MOV10L1: variants seen among roughly 807,000 people sequenced by gnomAD.
The protein encoded by MOV10L1 is Mov10 like RNA helicase 1.
MOV10L1 carries 110 observed loss-of-function variants against 143.8 expected under a neutral mutation model. That is an observed-to-expected ratio of 0.76 (90% CI 0.66 to 0.90). The LOEUF (loss-of-function observed/expected upper bound fraction) is 0.90, where lower values mean the gene tolerates loss of function less well. Among genes scored for constraint, MOV10L1 ranks in the 40% least tolerant of loss-of-function variants. MOV10L1 has a pLI of 0.00. For missense variants in MOV10L1, 1,406 were observed against 1,526.8 expected, an observed-to-expected ratio of 0.92 and a Z score of 1.32; for synonymous variants, 593 against 581.1, an observed-to-expected ratio of 1.02 and a Z score of -0.29.
chr22:50,113,520 G>A, intron 5 of MOV10L1, 128 bp from the exon 6 acceptor site: 2 of 1,281,380 alleles, frequency 1.6e-6, no homozygotes, highest in Non-Finnish European at 2.1e-6. Flanking sequence ...CTAAGTCTGT[G>A]GAAGCCCTGC....
chr22:50,090,600 G>C, intron 1 of MOV10L1: 1 of 1,504,642 alleles, frequency 6.6e-7, no homozygotes, highest in Non-Finnish European at 9.1e-7. Context: ...CCATTTCCTT[G>C]TCTGGTTTTC....
intron 18 of MOV10L1, 88 bp from the exon 19 acceptor site, chr22:50,145,599 ACT>A: frequency 6.6e-7 from 1 of 1,521,328 alleles, no homozygotes; most frequent in Non-Finnish European, 9.0e-7. Flanking sequence ...CTTAGACGTA[ACT>A]AAGAAGTGGT....
chr22:50,118,266 C>T (rs1487852888), intron 9 of MOV10L1, among the ~76,000 whole-genome samples: 1 of 151,834 alleles, frequency 6.6e-6, no homozygotes, highest in Non-Finnish European at 1.5e-5. Context: ...GCTGTGTGAC[C>T]TTGGGCAAGT....
At chr22:50,154,657 G>A (rs1250714137) in intron 22 of MOV10L1, among the ~76,000 whole-genome samples, 1 of 152,194 alleles carries the variant, frequency 6.6e-6, no homozygotes, top group Non-Finnish European at 1.5e-5. Flanking sequence ...CACCTGGTAG[G>A]CCATGGCGGA....
intron 12 of MOV10L1, among the ~76,000 whole-genome samples, chr22:50,126,985 G>A (rs1384936950): frequency 6.6e-6 from 1 of 152,134 alleles, no homozygotes; most frequent in Non-Finnish European, 1.5e-5. Flanking sequence ...TTCACAGAGT[G>A]GGATATTTCC....
intron 9 of MOV10L1, among the ~76,000 whole-genome samples, chr22:50,118,305 T>C (rs2062238781): frequency 6.6e-6 from 1 of 151,986 alleles, no homozygotes; most frequent in Non-Finnish European, 1.5e-5. Context: ...CTTGTTCTCA[T>C]TGGTAAAATG....
chr22:50,159,813 G>T lies in MOV10L1; in HGVS notation c.3324+28G>T. On this transcript the variant is annotated intron_variant, in intron 24 of 26. Transcript: ENST00000262794. The surrounding 1 kb of genome is among the most constrained non-coding windows in gnomAD (Gnocchi z 4.1). ...AGGTATCCCTGTTCTCCGTGGGGAT[G>T]GACAGTCAGGTGCTTGCTGCCCTGG... 6.8e-7 allele frequency: 1 copy of T among 1,470,012 alleles called. No individual in the cohort carries two copies. The highest frequency in any genetic ancestry group is 1.2e-5 in the South Asian group (1 of 86,924). 91.1% of individuals were successfully genotyped at this position (1,470,012 alleles called of 1,614,324 possible).
chr22:50,099,700 C>T (rs996471775), intron 3 of MOV10L1, 98 bp downstream of exon 3: 72 of 1,394,420 alleles, frequency 5.2e-5, no homozygotes, highest in Non-Finnish European at 6.3e-5. Context: ...ATAATCCCAG[C>T]ACTTTGTCAG....
At chr22:50,105,635 T>C (rs928173579) in intron 3 of MOV10L1, among the ~76,000 whole-genome samples, 6 of 152,214 alleles carry the variant, frequency 3.9e-5, no homozygotes, top group African/African-American at 1.4e-4. Flanking sequence ...GATTTTCTGC[T>C]GACTTGAAAA....
chr22:50,109,363 A>G (rs571410690), intron 5 of MOV10L1, among the ~76,000 whole-genome samples: 2 of 151,928 alleles, frequency 1.3e-5, no homozygotes, highest in Admixed American at 1.3e-4. Context: ...CATCTCTACA[A>G]AACATTAAAA....
chr22:50,157,176 C>T (rs1007538866), intron 22 of MOV10L1, among the ~76,000 whole-genome samples: 25 of 152,158 alleles, frequency 1.6e-4, no homozygotes, highest in African/African-American at 4.8e-4. Context: ...AGGTCCTTTG[C>T]CCATATTTAA....
At chr22:50,153,253 C>T (rs377221999) in intron 22 of MOV10L1, 35 bp downstream of exon 22, 13 of 1,584,476 alleles carry the variant, frequency 8.2e-6, no homozygotes, top group South Asian at 1.1e-5. Flanking sequence ...GTGACCGTGT[C>T]GGGTAAGGAC....
chr22:50,143,354 T>A, intron 17 of MOV10L1, 133 bp downstream of exon 17: 1 of 1,022,066 alleles, frequency 9.8e-7, no homozygotes, highest in Non-Finnish European at 1.5e-6. Flanking sequence ...AGTTATTTCA[T>A]AATGTTAAGT....
Position 50,122,773 on chromosome 22 carries a change from T to TTTTA in MOV10L1, c.1569+2181_1569+2184dup, listed in dbSNP as rs932245637. ...TTTTTCTTCTTTTCCTTTTTCTCTT[T>TTTTA]TTTATTTATTTATTTATTTATTTAT... On this transcript the variant is annotated intron_variant, in intron 10 of 26. Coordinates refer to ENST00000262794, the MANE Select transcript of MOV10L1 (RefSeq NM_018995.3). Among the ~76,000 whole-genome samples the TTTTA allele has an allele frequency of 8.4e-4, 120 of 142,950 alleles. 1 individual carries two copies. Among genetic ancestry groups the TTTTA allele is most frequent in the African/African-American group, 2.6e-3 (102 of 39,994 alleles). 93.8% of individuals were successfully genotyped at this position (142,950 alleles called of 152,430 possible). A position where few individuals can be genotyped will look rare whatever the true frequency, so the allele number is the denominator to read the frequency against.
intron 18 of MOV10L1, 107 bp downstream of exon 18, chr22:50,144,350 G>A (rs984342149): frequency 2.1e-5 from 28 of 1,335,718 alleles, no homozygotes; most frequent in Admixed American, 5.5e-5. Flanking sequence ...GCACAGAGGC[G>A]CCACAGAAAG....
intron 3 of MOV10L1, among the ~76,000 whole-genome samples, chr22:50,102,046 A>G (rs1021223729): frequency 6.6e-6 from 1 of 152,174 alleles, no homozygotes; most frequent in Non-Finnish European, 1.5e-5. Context: ...GGGGCAGAGA[A>G]GAGAAGGTGT....
At chr22:50,145,609 G>C in intron 18 of MOV10L1, 80 bp from the exon 19 acceptor site, 3 of 1,559,956 alleles carry the variant, frequency 1.9e-6, no homozygotes, top group Non-Finnish European at 2.6e-6. Flanking sequence ...ACTAAGAAGT[G>C]GTACCAGGGC....
chr22:50,156,186 G>A (rs2063423974), intron 22 of MOV10L1, among the ~76,000 whole-genome samples: 1 of 151,584 alleles, frequency 6.6e-6, no homozygotes, highest in South Asian at 2.1e-4. Context: ...CATGATCTTG[G>A]CTCACTGCAA....
In MOV10L1 at chr22:50,114,768, C is replaced by G. The variant is rs532256129; in HGVS notation, c.1126+146C>G. 35 of 1,250,554 alleles carry G rather than the reference C, an allele frequency of 2.8e-5. No individual in the cohort carries two copies. In the East Asian group the frequency reaches 3.6e-4, roughly 13 times the overall value. 77.5% of individuals were successfully genotyped at this position (1,250,554 alleles called of 1,614,324 possible). On this transcript the variant is annotated intron_variant, in intron 7 of 26. Coordinates refer to ENST00000262794, the MANE Select transcript of MOV10L1 (RefSeq NM_018995.3). ...GCTCTGAGCTCTTCGGCTTCAGGCC[C>G]TTCTCTTGCTGACGACGTTAGGGAG...
Sources: allele counts gnomAD v4.1 joint callset (sites outside exome capture counted in the v4.1 genomes callset), GRCh38; gene constraint gnomAD v4.1.1; non-coding constraint Gnocchi (gnomAD v3.1); transcripts MANE v1.5; gene names NCBI Gene and HGNC (gene_info 2026-07-23, HGNC 2026-07-21).